The following RAD52 variants were observed in gnomAD, a reference collection of about 807,000 sequenced individuals.
The protein encoded by RAD52 is DNA repair protein RAD52 homolog.
A neutral mutation model predicts 55.5 loss-of-function variants in RAD52; 47 were observed. The observed-to-expected ratio is 0.85, with a 90% CI of 0.67 to 1.08. RAD52 has a LOEUF of 1.08. RAD52 is among the 50% of genes least tolerant of loss of function. The pLI, the probability that RAD52 is intolerant of heterozygous loss-of-function variation, is 0.00. For missense variants in RAD52, 468 were observed against 522.8 expected (o/e 0.90, Z 1.02); for synonymous variants, 184 against 198.9 (o/e 0.92, Z 0.63).
At chr12:930,424 C>T (rs549650070) in intron 3 of RAD52, among the ~76,000 whole-genome samples, 1 of 151,800 alleles carries the variant, frequency 6.6e-6, no homozygotes, top group African/African-American at 2.4e-5. Context: ...GAATTTATTT[C>T]AAAAATCTTC....
intron 5 of RAD52, 47 bp downstream of exon 5, chr12:929,772 A>G (rs746071386): frequency 6.4e-7 from 1 of 1,559,592 alleles, no homozygotes; most frequent in Non-Finnish European, 8.8e-7. Context: ...ACCTTCTCCT[A>G]CCACCCACTG....
At chr12:959,374 T>C (rs1958653765) in intron 1 of RAD52, among the ~76,000 whole-genome samples, 1 of 152,220 alleles carries the variant, frequency 6.6e-6, no homozygotes. Context: ...GGAGTGAGCA[T>C]TGTTCTAAGC....
At chr12:959,902 G>A (rs769730086) in intron 1 of RAD52, among the ~76,000 whole-genome samples, 2 of 152,168 alleles carry the variant, frequency 1.3e-5, no homozygotes, top group African/African-American at 2.4e-5. Context: ...CCCTGAAGCT[G>A]TTTCAGCCTG....
chr12:914,655 C>T, intron 9 of RAD52, 123 bp from the exon 10 acceptor site: 2 of 1,141,428 alleles, frequency 1.8e-6, no homozygotes, highest in Non-Finnish European at 2.5e-6. Context: ...CCGCTTAGGG[C>T]TGCGCTGCTT....
intron 1 of RAD52, among the ~76,000 whole-genome samples, chr12:959,994 T>A (rs1958661487): frequency 6.6e-6 from 1 of 152,078 alleles, no homozygotes; most frequent in Admixed American, 6.6e-5. Context: ...CGGTAATGGG[T>A]CAAAGGGAGA....
chr12:930,977 TA>T (rs11397921), intron 3 of RAD52, among the ~76,000 whole-genome samples: 113 of 141,678 alleles, frequency 8.0e-4, no homozygotes, highest in Middle Eastern at 7.3e-3. Flanking sequence ...TCTTTAAAAA[TA>T]AAAAAAAAAA....
chr12:923,189 C>G (rs1956830511), intron 7 of RAD52, among the ~76,000 whole-genome samples: 1 of 151,548 alleles, frequency 6.6e-6, no homozygotes, highest in African/African-American at 2.4e-5. Flanking sequence ...AAGATCAAGA[C>G]CAGCCTCAGC....
At chr12:944,834 G>A (rs1958124010) in intron 1 of RAD52, among the ~76,000 whole-genome samples, 2 of 143,184 alleles carry the variant, frequency 1.4e-5, no homozygotes, top group Non-Finnish European at 1.5e-5. Flanking sequence ...GCACAATCTC[G>A]GCTCACAAAA....
chr12:917,715 C>CA (rs35820418), intron 7 of RAD52, among the ~76,000 whole-genome samples: 52,249 of 103,674 alleles, frequency 0.5, 10,446 homozygotes, highest in Middle Eastern at 0.62. Context: ...TACAAAAATA[C>CA]AAAAAAAAAA....
intron 7 of RAD52, among the ~76,000 whole-genome samples, chr12:920,297 C>T (rs1361791781): frequency 8.6e-6 from 1 of 116,826 alleles, no homozygotes; most frequent in East Asian, 2.3e-4. Context: ...TGGCTCACAC[C>T]TATAATCCCA....
chr12:937,626 AT>A (rs1318730645), intron 1 of RAD52, among the ~76,000 whole-genome samples: 1 of 152,040 alleles, frequency 6.6e-6, no homozygotes, highest in Non-Finnish European at 1.5e-5. Flanking sequence ...GGGTTTCGTC[AT>A]GTTGGCCAGG....
chr12:973,304 C>T (rs954959999), intron 1 of RAD52, among the ~76,000 whole-genome samples: 11 of 152,124 alleles, frequency 7.2e-5, no homozygotes, highest in East Asian at 3.9e-4. Context: ...CTCCTGACCT[C>T]GTGATCCACC....
At chr12:942,431 A>G (rs1389362772) in intron 1 of RAD52, among the ~76,000 whole-genome samples, 1 of 152,148 alleles carries the variant, frequency 6.6e-6, no homozygotes, top group African/African-American at 2.4e-5. Flanking sequence ...AATGGGTGAT[A>G]GGCTTAAACA....
At chr12:978,873 A>G (rs1368848984) in intron 1 of RAD52, among the ~76,000 whole-genome samples, 2 of 148,610 alleles carry the variant, frequency 1.3e-5, no homozygotes, top group Non-Finnish European at 3.0e-5. Context: ...GTCTCTTAAA[A>G]AAAAAGTAGA....
At chr12:969,694 G>C (rs1958815043) in intron 1 of RAD52, among the ~76,000 whole-genome samples, 1 of 151,844 alleles carries the variant, frequency 6.6e-6, no homozygotes, top group African/African-American at 2.4e-5. Context: ...GGGAGGCTGA[G>C]GTGGGAGGAT....
chr12:967,165 G>A (rs1449471511), intron 1 of RAD52, among the ~76,000 whole-genome samples: 2 of 152,002 alleles, frequency 1.3e-5, no homozygotes, highest in Non-Finnish European at 2.9e-5. Context: ...GATCATTTAA[G>A]GTAGGGAGTT....
Position 927,309 on chromosome 12 carries a change from C to T in RAD52, c.349-46G>A, listed in dbSNP as rs1388678598. The T allele has an allele frequency of 5.2e-6, 7 of 1,340,994 alleles. No individual in the cohort carries two copies. In the East Asian group the frequency reaches 6.9e-5, roughly 13 times the overall value. 83.1% of individuals were successfully genotyped at this position (1,340,994 alleles called of 1,614,324 possible). ...TGAACTCAAACACGAGAGCGGCAGG[C>T]GTGCCACAACTCCCCTGTTCCTCAA... On this transcript the variant is annotated intron_variant, in intron 5 of 11. Coordinates refer to ENST00000358495, the MANE Select transcript of RAD52 (RefSeq NM_134424.4).
chr12:963,879 C>T (rs1958721106), intron 1 of RAD52, among the ~76,000 whole-genome samples: 1 of 151,740 alleles, frequency 6.6e-6, no homozygotes, highest in African/African-American at 2.4e-5. Context: ...ACGAGGGCAG[C>T]GGTACTCTTT....
At position 932,809 on chromosome 12, in the gene RAD52, CTGCTCACA is replaced by C. The variant is rs1383341236; in HGVS notation, c.84+158_84+165del. Among the ~76,000 whole-genome samples, 98 of 27,280 alleles carry C rather than the reference CTGCTCACA, an allele frequency of 3.6e-3. 2 individuals carry two copies. Among genetic ancestry groups the C allele is most frequent in the Admixed American group, 9.2e-3 (22 of 2,398 alleles). 17.9% of individuals were successfully genotyped at this position (27,280 alleles called of 152,430 possible). On this transcript the variant is annotated intron_variant, in intron 2 of 11. Coordinates refer to ENST00000358495, the MANE Select transcript of RAD52 (RefSeq NM_134424.4). ...ACGCACCGCGTCAACGTACTAGGTA[CTGCTCACA>C]CACGTACTAGGTAAACGTACTAGGT...
Sources: allele counts gnomAD v4.1 joint callset (sites outside exome capture counted in the v4.1 genomes callset), GRCh38; gene constraint gnomAD v4.1.1; transcripts MANE v1.5; gene names NCBI Gene and HGNC (gene_info 2026-07-23, HGNC 2026-07-21).